Variants in ECE1 observed in about 807,000 individuals in gnomAD.
ECE1 encodes endothelin converting enzyme 1, also known as endothelin-converting enzyme 1.
Under a neutral mutation model 98.6 loss-of-function variants are expected in ECE1, and 35 were observed. That is an observed-to-expected ratio of 0.35 (90% CI 0.27 to 0.47). The LOEUF is 0.47. Among genes scored for constraint, ECE1 ranks in the 20% least tolerant of loss-of-function variants. The pLI is 1.00. For missense variants in ECE1, 814 were observed against 1,025.3 expected, an observed-to-expected ratio of 0.79 and a Z score of 2.81; for synonymous variants, 394 against 407.1, an observed-to-expected ratio of 0.97 and a Z score of 0.39.
chr1:21,335,374 C>A (rs34005655), intron 1 of ECE1, among the ~76,000 whole-genome samples: 2 of 152,136 alleles, frequency 1.3e-5, no homozygotes, highest in Admixed American at 6.5e-5. Flanking sequence ...GCTTCCTCCC[C>A]TAGAGTGCAG....
chr1:21,247,388 C>T lies in ECE1; in HGVS notation c.1021-25G>A, dbSNP rs2774024. 4.5e-3 allele frequency: 7,199 copies of T among 1,614,092 alleles called. 231 individuals carry two copies. In the African/African-American group the frequency reaches 0.074, roughly 17 times the overall value. On this transcript the variant is annotated intron_variant, in intron 8 of 18. Transcript: ENST00000374893. ...TCTGCAAGGGAAAAGGACAGTGTGA[C>T]CCTGTGGGGCTGCTCCTCCTCACAG...
intron 4 of ECE1, among the ~76,000 whole-genome samples, chr1:21,261,344 A>C (rs140277703): frequency 6.6e-6 from 1 of 152,160 alleles, no homozygotes; most frequent in East Asian, 1.9e-4. Flanking sequence ...GCTCCTTCAC[A>C]AAGACTTTCC....
chr1:21,232,170 G>C (rs909623275), intron 14 of ECE1, among the ~76,000 whole-genome samples: 4 of 152,168 alleles, frequency 2.6e-5, no homozygotes, highest in African/African-American at 9.7e-5. Context: ...CAGAGGCAAA[G>C]AGAAGTTGAT....
chr1:21,333,193 G>A (rs35536249), intron 1 of ECE1, among the ~76,000 whole-genome samples: 33,646 of 152,102 alleles, frequency 0.22, 3,950 homozygotes, highest in Middle Eastern at 0.38. Flanking sequence ...AACAGGTATT[G>A]GTGGTGCGTG....
At chr1:21,333,475 G>C (rs1639247219) in intron 1 of ECE1, among the ~76,000 whole-genome samples, 1 of 152,212 alleles carries the variant, frequency 6.6e-6, no homozygotes, top group African/African-American at 2.4e-5. Flanking sequence ...GCGTTCATCA[G>C]AAAACAGCAT....
chr1:21,224,686 A>C (rs938201046), intron 17 of ECE1, among the ~76,000 whole-genome samples: 1 of 151,504 alleles, frequency 6.6e-6, no homozygotes, highest in African/African-American at 2.4e-5. Flanking sequence ...TCTGTTACTA[A>C]CTCTCCCATC....
At chr1:21,293,089 C>T (rs921667699), upstream of ECE1, among the ~76,000 whole-genome samples, 7 of 152,328 alleles carry the variant, frequency 4.6e-5, no homozygotes, top group African/African-American at 9.6e-5. Context: ...GGCTGGTGTA[C>T]GGGATTTGTC....
chr1:21,295,199 C>T (rs1223650690), upstream of ECE1, among the ~76,000 whole-genome samples: 1 of 152,164 alleles, frequency 6.6e-6, no homozygotes, highest in African/African-American at 2.4e-5. Context: ...TGTGGTGACA[C>T]TTAAATGAGT....
At chr1:21,257,486 G>C (rs28367985) in intron 7 of ECE1, 39 bp downstream of exon 7, 6 of 1,608,216 alleles carry the variant, frequency 3.7e-6, no homozygotes, top group Non-Finnish European at 5.1e-6. Flanking sequence ...AGGAAGGACC[G>C]TGCTGGGAGG....
chr1:21,260,242 C>A lies in ECE1; in HGVS notation c.615+29G>T. The A allele has an allele frequency of 6.2e-7, 1 of 1,614,126 alleles. No homozygotes were observed. The highest frequency in any genetic ancestry group is 8.5e-7 in the Non-Finnish European group (1 of 1,180,004). On this transcript the variant is annotated intron_variant, in intron 5 of 18. Coordinates refer to ENST00000374893, the MANE Select transcript of ECE1 (RefSeq NM_001397.3). This position sits in a 1 kb window ranked among gnomAD's most constrained non-coding sequence, Gnocchi z 4.3. ...GGCGGGCAGGTGGCATGGGCCGGGG[C>A]TTGGGGAGGGAGAGCCCGAGGCACT...
At chr1:21,229,363 T>TA (rs1266264910) in intron 14 of ECE1, among the ~76,000 whole-genome samples, 2 of 151,896 alleles carry the variant, frequency 1.3e-5, no homozygotes. Flanking sequence ...TTTTTTTTTT[T>TA]AATGTTACAG....
chr1:21,222,039 C>G lies in ECE1; in HGVS notation c.2041-197G>C, dbSNP rs112499367. ...CCTATGGCTTAAAATACCTTCTACG[C>G]ACTGATGGCTCTCACATTTACACCT... On this transcript the variant is annotated intron_variant, in intron 17 of 18. Transcript: ENST00000374893. The G allele has an allele frequency of 6.4e-6, 4 of 621,370 alleles. No homozygotes were observed. In the African/African-American group the frequency reaches 7.3e-5, roughly 11 times the overall value. The allele number at this position is 621,370 out of a possible 1,614,324, so 38.5% of individuals were successfully genotyped here. A position where few individuals can be genotyped will look rare whatever the true frequency, so the allele number is the denominator to read the frequency against.
chr1:21,230,365 C>A (rs750395963), intron 14 of ECE1, among the ~76,000 whole-genome samples: 26 of 152,190 alleles, frequency 1.7e-4, no homozygotes, highest in Non-Finnish European at 2.9e-4. Flanking sequence ...CAACTAAATT[C>A]CTATGTGAGG....
intron 1 of ECE1, among the ~76,000 whole-genome samples, chr1:21,296,921 G>A (rs1441895780): frequency 6.6e-6 from 1 of 152,242 alleles, no homozygotes; most frequent in Non-Finnish European, 1.5e-5. Flanking sequence ...CTGAGGGCCT[G>A]TGCAGGGGAA....
At chr1:21,317,488 G>A (rs996481582) in intron 1 of ECE1, among the ~76,000 whole-genome samples, 1 of 152,228 alleles carries the variant, frequency 6.6e-6, no homozygotes, top group Admixed American at 6.5e-5. Flanking sequence ...GCGACGCTGA[G>A]CTGGTGACGC....
chr1:21,255,512 T>C (rs886192577), intron 8 of ECE1, among the ~76,000 whole-genome samples: 6 of 152,196 alleles, frequency 3.9e-5, no homozygotes, highest in African/African-American at 1.4e-4. Context: ...CTCTGCCACT[T>C]AGGAGCCTCC....
intron 10 of ECE1, among the ~76,000 whole-genome samples, chr1:21,243,756 C>T (rs1318186071): frequency 6.6e-6 from 1 of 152,212 alleles, no homozygotes; most frequent in Non-Finnish European, 1.5e-5. Context: ...CAGGGCCAGT[C>T]CAAGGTAGAT....
chr1:21,325,288 C>G lies in ECE1; in HGVS notation c.3+20088G>C, dbSNP rs142326263. 7.2e-5 allele frequency among the ~76,000 whole-genome samples: 11 copies of G among 152,360 alleles called. No homozygotes were observed. The East Asian group carries it at 2.1e-3, about 29-fold the overall frequency. ...TCTTTCTCTGAGCTTCTGCTCAAGG[C>G]AGGTGCCAGGACAAGCCAGCGTCTC... On this transcript the variant is annotated intron_variant, in intron 1 of 18. Coordinates refer to the ECE1 transcript ENST00000415912.
chr1:21,255,943 T>G lies in ECE1; in HGVS notation c.1020+4A>C, dbSNP rs2098219310. 6.2e-7 allele frequency: 1 copy of G among 1,613,878 alleles called. No individual in the cohort carries two copies. The highest frequency in any genetic ancestry group is 8.5e-7 in the Non-Finnish European group (1 of 1,179,964). On this transcript the variant is annotated splice_donor_region_variant and intron_variant, in intron 8 of 18. Transcript: ENST00000374893. ...GCCTCCCTAGCAGCCGGCGCTCAAGTTACCTGCAGCTCGGCTGCCGTCACT... is the reference window on the plus strand; with the variant it reads ...GCCTCCCTAGCAGCCGGCGCTCAAGGTACCTGCAGCTCGGCTGCCGTCACT...
Sources: gnomAD v4.1 joint callset for allele counts (sites outside exome capture counted in the v4.1 genomes callset) on GRCh38, gnomAD v4.1.1 for gene constraint, Gnocchi (gnomAD v3.1) non-coding constraint, MANE v1.5 for transcripts, NCBI Gene and HGNC (gene_info 2026-07-23, HGNC 2026-07-21) for gene names.